Variants in ERICH3 observed in about 807,000 individuals in gnomAD.
ERICH3 encodes the protein glutamate-rich protein 3.
In ERICH3, 126 loss-of-function variants were observed where a neutral mutation model predicts 131.1. The ratio of observed to expected loss-of-function variants is 0.96; its 90% CI spans 0.83 to 1.11. The LOEUF (loss-of-function observed/expected upper bound fraction) is 1.11, where lower values mean the gene tolerates loss of function less well. Ranked by LOEUF, ERICH3 falls within the 50% of genes most tolerant of loss-of-function variation. The probability of loss-of-function intolerance (pLI) is 0.00; values close to 1 mark genes in which losing one functional copy is unlikely to be tolerated. For missense variants in ERICH3, 2,050 were observed against 1,810.7 expected (o/e 1.13, Z -2.40); for synonymous variants, 695 against 644.6 (o/e 1.08, Z -1.18).
At chr1:74,605,686 A>G (rs182389587) in intron 10 of ERICH3, among the ~76,000 whole-genome samples, 7 of 151,796 alleles carry the variant, frequency 4.6e-5, no homozygotes, top group African/African-American at 1.7e-4. Context: ...AAAATTGATT[A>G]ACTTCACTTT....
In ERICH3 at chr1:74,649,323, A is replaced by G; in HGVS notation, c.24-8T>C. On this transcript the variant is annotated splice_polypyrimidine_tract_variant and splice_region_variant and intron_variant, in intron 1 of 14. Transcript: ENST00000326665. ...TTATATGCAGCAAGTAACCTAAAAT[A>G]CAAAAATAAAACCAATAAGCTTTTA... 6.2e-7 allele frequency: 1 copy of G among 1,603,280 alleles called. No homozygotes were observed. Among genetic ancestry groups the G allele is most frequent in the Non-Finnish European group, 8.5e-7 (1 of 1,173,994 alleles).
chr1:74,631,437 G>T (rs1401490943), intron 7 of ERICH3, among the ~76,000 whole-genome samples: 5 of 152,038 alleles, frequency 3.3e-5, no homozygotes, highest in Admixed American at 6.6e-5. Context: ...TGCATTTAAG[G>T]AAATAAATGA....
intron 8 of ERICH3, among the ~76,000 whole-genome samples, 169 bp downstream of exon 8, chr1:74,620,565 T>C (rs2100609953): frequency 6.6e-6 from 1 of 152,292 alleles, no homozygotes; most frequent in Non-Finnish European, 1.5e-5. Flanking sequence ...TGCTTCAGTT[T>C]CAATCATAGA....
chr1:74,643,348 A>T (rs12077049), intron 3 of ERICH3, among the ~76,000 whole-genome samples: 3,069 of 152,060 alleles, frequency 0.02, 102 homozygotes, highest in African/African-American at 0.07. Flanking sequence ...TCACTTCTAA[A>T]CCTGTGGGAA....
At chr1:74,588,374 A>G (rs1011123353) in intron 12 of ERICH3, among the ~76,000 whole-genome samples, 1 of 152,124 alleles carries the variant, frequency 6.6e-6, no homozygotes, top group African/African-American at 2.4e-5. Flanking sequence ...TTATGAGAGA[A>G]ACTCTGTCTT....
At chr1:74,615,033 C>T (rs1386696140) in intron 8 of ERICH3, among the ~76,000 whole-genome samples, 1 of 152,116 alleles carries the variant, frequency 6.6e-6, no homozygotes, top group Non-Finnish European at 1.5e-5. Flanking sequence ...AGAAAGGGCT[C>T]AGGAAATCAA....
rs113578095 is a variant in ERICH3 at position 74,572,032 on chromosome 1, C to G, written c.3678G>C (p.Lys1226Asn). The change falls in exon 14 of 15, where the codon AAG (lysine) becomes AAC (asparagine). Residue 1226 changes from lysine (K) to asparagine (N), a missense_variant. By Grantham distance (94) the Lys-to-Asn change is moderately conservative (BLOSUM62 0). Transcript: ENST00000326665. ...LAAPEAEPAGKVQAPEGLIPA... is the reference protein window; with the variant it reads ...LAAPEAEPAGNVQAPEGLIPA... ...GGATCAGCCCCTCAGGGGCCTGCAC[C>G]TTTCCTGCTGGCTCAGCTTCAGGAG... 2.5e-6 allele frequency: 4 copies of G among 1,614,180 alleles called. No individual in the cohort carries two copies. The highest frequency in any genetic ancestry group is 2.7e-5 in the African/African-American group (2 of 75,072).
chr1:74,579,787 C>T (rs1647143665), intron 12 of ERICH3: 1 of 985,312 alleles, frequency 1.0e-6, no homozygotes, highest in African/African-American at 1.7e-5. Flanking sequence ...AGCCCTTCAT[C>T]CCCTAAGGCT....
chr1:74,579,803 C>T, intron 12 of ERICH3: 1 of 985,260 alleles, frequency 1.0e-6, no homozygotes, highest in Non-Finnish European at 1.2e-6. Context: ...AGGCTCCTGT[C>T]TTTTACCTAT....
chr1:74,636,929 AC>A (rs1557694595), intron 5 of ERICH3, among the ~76,000 whole-genome samples: 1 of 152,220 alleles, frequency 6.6e-6, no homozygotes, highest in East Asian at 1.9e-4. Context: ...TATAATTCAA[AC>A]AAAAGAGGAA....
chr1:74,577,008 C>T, intron 12 of ERICH3, 72 bp from the exon 13 acceptor site: 1 of 1,428,506 alleles, frequency 7.0e-7, no homozygotes, highest in Non-Finnish European at 9.4e-7. Flanking sequence ...TTCTCCATCT[C>T]TCCAGTTGGG....
At chr1:74,613,385 T>C (rs993146195) in intron 8 of ERICH3, among the ~76,000 whole-genome samples, 1 of 152,180 alleles carries the variant, frequency 6.6e-6, no homozygotes, top group Non-Finnish European at 1.5e-5. Flanking sequence ...TTAGAAGAGT[T>C]CAGTAATTTA....
At position 74,590,064 on chromosome 1, in the gene ERICH3, T is replaced by C. The variant is rs1327568264; in HGVS notation, c.1743A>G (p.Ser581=). 5.0e-6 allele frequency: 8 copies of C among 1,603,148 alleles called. No homozygotes were observed. The highest frequency in any genetic ancestry group is 6.8e-6 in the Non-Finnish European group (8 of 1,173,754). ...AAGGGTGACTTCTGGATGAGGTTGA[T>C]GAAGCAGTTTTCATATCTACAAAAA... ...EEDKQDMKTA[S]STSSRSHPYS... Residue 581 remains serine (S), a synonymous_variant, in exon 12 of 15, where the codon TCA becomes TCG. Transcript: ENST00000326665.
rs777963799 is a variant in ERICH3, at chr1:74,673,522, T to G, written c.-3A>C. On this transcript the variant is annotated 5_prime_UTR_variant, in exon 1 of 15. Transcript: ENST00000326665. ...CCAGCGGGGTGAGAATGGCTCATTT[T>G]TGCAGGATCCCTTTTGGACCCCGCG... The G allele has an allele frequency of 2.5e-6, 4 of 1,613,324 alleles. No individual in the cohort carries two copies. In the Admixed American group the frequency reaches 6.7e-5, roughly 27 times the overall value.
At chr1:74,591,165 A>G (rs138000480) in intron 11 of ERICH3, among the ~76,000 whole-genome samples, 1 of 152,292 alleles carries the variant, frequency 6.6e-6, no homozygotes, top group African/African-American at 2.4e-5. Context: ...TGGAGATTTT[A>G]TCTTATTTTG....
chr1:74,629,310 A>C (rs1485779626), intron 7 of ERICH3, among the ~76,000 whole-genome samples: 2 of 152,134 alleles, frequency 1.3e-5, no homozygotes, highest in East Asian at 1.9e-4. Flanking sequence ...AGAATCTTAG[A>C]GCATCAGTCT....
At chr1:74,603,848 A>T (rs1055042435) in intron 10 of ERICH3, among the ~76,000 whole-genome samples, 1 of 151,856 alleles carries the variant, frequency 6.6e-6, no homozygotes, top group African/African-American at 2.4e-5. Context: ...CTGGTGGAGG[A>T]TATTCCCTTG....
Position 74,589,756 on chromosome 1 carries a change from A to G in ERICH3, c.2051T>C (p.Leu684Ser), listed in dbSNP as rs749648422. The G allele has an allele frequency of 1.9e-6, 3 of 1,614,066 alleles. No individual in the cohort carries two copies. The East Asian group carries it at 6.7e-5, about 36-fold the overall frequency. ...EKGTQEIAEG[L>S]SEKSGKHVSA... Reference sequence around the variant, plus strand: ...AACATGTTTCCCGGACTTCTCAGATAAACCCTCTGCAATCTCTTGGGTTCC... The same window carrying G: ...AACATGTTTCCCGGACTTCTCAGATGAACCCTCTGCAATCTCTTGGGTTCC... The change falls in exon 12 of 15, where the codon TTA becomes TCA. Residue 684 changes from leucine (L) to serine (S), a missense_variant. By Grantham distance (145) the Leu-to-Ser change is moderately radical. Transcript: ENST00000326665.
intron 1 of ERICH3, among the ~76,000 whole-genome samples, chr1:74,655,761 G>A (rs887573887): frequency 1.3e-5 from 2 of 152,146 alleles, no homozygotes; most frequent in African/African-American, 4.8e-5. Context: ...TCTCCCATAA[G>A]CCTGATGCCA....
Sources: gnomAD v4.1 joint callset for allele counts (sites outside exome capture counted in the v4.1 genomes callset) on GRCh38, gnomAD v4.1.1 for gene constraint, MANE v1.5 for transcripts, NCBI Gene and HGNC (gene_info 2026-07-23, HGNC 2026-07-21) for gene names.